Variants in AFAP1 observed in about 807,000 individuals in gnomAD.
AFAP1 encodes actin filament-associated protein 1.
A neutral mutation model predicts 93.9 loss-of-function variants in AFAP1; 75 were observed. The ratio of observed to expected loss-of-function variants is 0.80; its 90% confidence interval spans 0.66 to 0.97. The LOEUF is 0.97. Among genes scored for constraint, AFAP1 ranks in the 50% least tolerant of loss-of-function variants. AFAP1 has a pLI of 0.00. For synonymous variants in AFAP1, 517 were observed against 430.7 expected, an observed-to-expected ratio of 1.20 and a Z score of -2.48; for missense variants, 1,201 against 1,050.8, an observed-to-expected ratio of 1.14 and a Z score of -1.98.
At chr4:7,821,959 C>T (rs1025344044) in intron 6 of AFAP1, among the ~76,000 whole-genome samples, 5 of 152,170 alleles carry the variant, frequency 3.3e-5, no homozygotes, top group East Asian at 1.9e-4. Flanking sequence ...TTTGCTAATG[C>T]CGAGGTGTGG....
At chr4:7,829,557 T>C (rs1560185009) in intron 6 of AFAP1, among the ~76,000 whole-genome samples, 1 of 152,192 alleles carries the variant, frequency 6.6e-6, no homozygotes, top group Non-Finnish European at 1.5e-5. Flanking sequence ...CAGCAAAGGA[T>C]ATAAACACAG....
In AFAP1 at chr4:7,786,254, G is replaced by A. The variant is rs1560157034; in HGVS notation, c.1470C>T (p.Gly490=). Residue 490 remains glycine (G), a synonymous_variant, in exon 12 of 18, where the codon GGC becomes GGT. Coordinates refer to ENST00000420658, the MANE Select transcript of AFAP1 (RefSeq NM_001134647.2). ...ANPYLGGTSN[G]YAHPSGTALH... ...GTGCCGTCCCGCTGGGGTGGGCATA[G>A]CCGTTGGAGGTGCCCCCTAGATATG... is the stretch of plus-strand genomic sequence containing the variant. The A allele has an allele frequency of 1.9e-6, 3 of 1,614,206 alleles. No homozygotes were observed. In the Admixed American group the frequency reaches 5.0e-5, roughly 27 times the overall value.
At chr4:7,780,163 A>G (rs534613466) in intron 13 of AFAP1, among the ~76,000 whole-genome samples, 10 of 152,362 alleles carry the variant, frequency 6.6e-5, no homozygotes, top group Admixed American at 4.6e-4. Flanking sequence ...TTTTTGGCAT[A>G]AGTCCTCAAA....
intron 1 of AFAP1, among the ~76,000 whole-genome samples, chr4:7,917,286 T>C (rs1256888362): frequency 6.6e-6 from 1 of 152,118 alleles, no homozygotes; most frequent in Non-Finnish European, 1.5e-5. Flanking sequence ...AGGATATCCA[T>C]GTAGACTGCT....
At chr4:7,786,907 A>C (rs1414685992) in intron 11 of AFAP1, among the ~76,000 whole-genome samples, 3 of 152,206 alleles carry the variant, frequency 2.0e-5, no homozygotes, top group African/African-American at 7.2e-5. Context: ...ACAAATATTT[A>C]TGGAGTTCTT....
rs71175435 is a variant in AFAP1, at chr4:7,874,530, ATTTTTTTTTTT to A, written c.-2-2461_-2-2451del. ...AGGCACCTACCACCATGCCCAGCTAATTTTTTTTTTTTTTTTTTTTTTTTTTTTTTTTTTAG... is the reference window on the plus strand; with the variant it reads ...AGGCACCTACCACCATGCCCAGCTAATTTTTTTTTTTTTTTTTTTTTTTAG... On this transcript the variant is annotated intron_variant, in intron 1 of 17. Transcript: ENST00000420658. Among the ~76,000 whole-genome samples, 172 of 51,508 alleles carry A rather than the reference ATTTTTTTTTTT, an allele frequency of 3.3e-3. 3 individuals are homozygous for A. The highest frequency in any genetic ancestry group is 0.016 in the African/African-American group (143 of 9,080). The allele number at this position is 51,508 out of a possible 152,430, so 33.8% of individuals were successfully genotyped here. A position where few individuals can be genotyped will look rare whatever the true frequency, so the allele number is the denominator to read the frequency against.
At chr4:7,768,725 G>A in intron 17 of AFAP1, 119 bp downstream of exon 17, 2 of 1,262,108 alleles carry the variant, frequency 1.6e-6, no homozygotes, top group South Asian at 3.9e-5. Context: ...TCTACTGAAG[G>A]CTGAGTGCCA....
At chr4:7,929,955 A>C (rs11930623) in intron 1 of AFAP1, among the ~76,000 whole-genome samples, 44,511 of 152,096 alleles carry the variant, frequency 0.29, 7,882 homozygotes, top group Non-Finnish European at 0.41. Flanking sequence ...CCTAACAAAT[A>C]AAGAGGCCAT....
chr4:7,814,347 T>C (rs1251241145), intron 8 of AFAP1, among the ~76,000 whole-genome samples: 1 of 151,988 alleles, frequency 6.6e-6, no homozygotes, highest in Non-Finnish European at 1.5e-5. Flanking sequence ...ATGGCTCAAA[T>C]AGAAAGAACA....
Position 7,813,639 on chromosome 4 carries a change from T to C in AFAP1, c.904+2379A>G, listed in dbSNP as rs144628193. ...TTTATTTCAGGGCAAAACTTAAAGA[T>C]AGCTTTCCTGGTTTTGATTACACAT... On this transcript the variant is annotated intron_variant, in intron 8 of 17. Transcript: ENST00000420658. 1.5e-3 allele frequency among the ~76,000 whole-genome samples: 234 copies of C among 152,332 alleles called. 1 individual carries two copies. Among genetic ancestry groups the C allele is most frequent in the Middle Eastern group, 3.4e-3 (1 of 294 alleles).
At chr4:7,785,490 A>AG (rs1046455443) in intron 12 of AFAP1, among the ~76,000 whole-genome samples, 24 of 152,162 alleles carry the variant, frequency 1.6e-4, no homozygotes, top group Non-Finnish European at 3.2e-4. Context: ...TTCCTTCCTG[A>AG]GGGGATTTCA....
intron 4 of AFAP1, among the ~76,000 whole-genome samples, chr4:7,847,717 T>C (rs945184324): frequency 6.7e-6 from 1 of 149,230 alleles, no homozygotes; most frequent in African/African-American, 2.4e-5. Flanking sequence ...GAATTCCTGA[T>C]TGCCTTCTAG....
intron 3 of AFAP1, among the ~76,000 whole-genome samples, chr4:7,865,840 C>G (rs764377767): frequency 5.3e-5 from 8 of 152,178 alleles, no homozygotes; most frequent in Admixed American, 1.3e-4. Context: ...GTCACAGGAC[C>G]ACTGCTACTC....
rs188898514 is a variant in AFAP1 at position 7,826,321 on chromosome 4, C to T, written c.727-7150G>A. Among the ~76,000 whole-genome samples, 6 of 152,316 alleles carry T rather than the reference C, an allele frequency of 3.9e-5. No individual in the cohort carries two copies. In the East Asian group the frequency reaches 1.2e-3, roughly 29 times the overall value. ...GGAGAGTCCCCACCCCACCCCGCCG[C>T]CCCCAGAGGCACAGCCCTTCTCCCA... On this transcript the variant is annotated intron_variant, in intron 6 of 17. Transcript: ENST00000420658.
chr4:7,848,128 G>GAAGGAAGGAAGGAAGTAAGTAAGT (rs1377379539), intron 4 of AFAP1, among the ~76,000 whole-genome samples: 4 of 110,964 alleles, frequency 3.6e-5, no homozygotes, highest in African/African-American at 1.4e-4. Flanking sequence ...AGGAAGGAAG[G>GAAGGAAGGAAGGAAGTAAGTAAGT]GAGTGAGTGA....
At chr4:7,867,915 G>C (rs1383206018) in intron 3 of AFAP1, among the ~76,000 whole-genome samples, 2 of 152,132 alleles carry the variant, frequency 1.3e-5, no homozygotes, top group Non-Finnish European at 2.9e-5. Context: ...TCCTGGCAGA[G>C]AGATCATCAG....
At position 7,821,911 on chromosome 4, in the gene AFAP1, A is replaced by G. The variant is rs1012525190; in HGVS notation, c.727-2740T>C. ...GACTACAAAAGAGAGAAAGAAAATG[A>G]AAGAAGAAACCCAGAGAGCTCGCTG... On this transcript the variant is annotated intron_variant, in intron 6 of 17. Transcript: ENST00000420658. Among the ~76,000 whole-genome samples, 5 of 152,226 alleles carry G rather than the reference A, an allele frequency of 3.3e-5. No individual in the cohort carries two copies. The South Asian group carries it at 1.0e-3, about 32-fold the overall frequency.
chr4:7,879,586 C>T (rs951909650), intron 1 of AFAP1, among the ~76,000 whole-genome samples: 26 of 152,080 alleles, frequency 1.7e-4, no homozygotes, highest in Non-Finnish European at 2.8e-4. Flanking sequence ...CCCAAAGTGA[C>T]GGCAAAATTA....
In AFAP1 at chr4:7,760,411, A is replaced by G. The variant is rs1243484209; in HGVS notation, c.*3354T>C. ...AAGGGAAGGTCTCAAGGAAGGCCCC[A>G]TGGACAGTGGCCCATGCTCCTGGGG... On this transcript the variant is annotated 3_prime_UTR_variant, in exon 18 of 18. Coordinates refer to ENST00000420658, the MANE Select transcript of AFAP1 (RefSeq NM_001134647.2). The G allele has an allele frequency of 2.0e-5, 3 of 152,530 alleles. No individual in the cohort carries two copies. Among genetic ancestry groups the G allele is most frequent in the Non-Finnish European group, 2.9e-5 (2 of 68,300 alleles). The allele number at this position is 152,530 out of a possible 1,614,324, so 9.4% of individuals were successfully genotyped here. A position where few individuals can be genotyped will look rare whatever the true frequency, so the allele number is the denominator to read the frequency against.
Sources: gnomAD v4.1 joint callset for allele counts (sites outside exome capture counted in the v4.1 genomes callset) on GRCh38, gnomAD v4.1.1 for gene constraint, MANE v1.5 for transcripts, NCBI Gene and HGNC (gene_info 2026-07-23, HGNC 2026-07-21) for gene names.